The following TMC8 variants were observed in gnomAD, a reference collection of about 807,000 sequenced individuals.
TMC8 encodes the protein transmembrane channel like 8.
In TMC8, 71 loss-of-function variants were observed where a neutral mutation model predicts 76.0. That is an observed-to-expected ratio of 0.93 (90% CI 0.77 to 1.14). The LOEUF (loss-of-function observed/expected upper bound fraction) is 1.14. Among genes scored for constraint, TMC8 ranks in the 50% most tolerant of loss-of-function variants. TMC8 has a pLI of 0.00. For synonymous variants in TMC8, 433 were observed against 433.8 expected (o/e 1.00, Z 0.02); for missense variants, 924 against 947.9 (o/e 0.97, Z 0.33).
chr17:78,132,671 C>A, intron 4 of TMC8, 117 bp from the exon 5 acceptor site: 1 of 1,497,612 alleles, frequency 6.7e-7, no homozygotes, highest in Non-Finnish European at 9.3e-7. Flanking sequence ...ACGCCTTTGG[C>A]ACATCCTCAG....
At position 78,137,295 on chromosome 17, in the gene TMC8, A is replaced by C; in HGVS notation, c.1188A>C (p.Ile396=). ...TCTCCGTCTCCCTGGGTCAGACCAT[A>C]CTGTGCATTGGCAGAGACAAGAGCA... The part of the protein sequence containing the change: ...GMFSVSLGQT[I]LCIGRDKSSC... The change falls in exon 10 of 16, where the codon ATA becomes ATC. Residue 396 remains isoleucine (I), a synonymous_variant. Coordinates refer to ENST00000318430, the MANE Select transcript of TMC8 (RefSeq NM_152468.5). 2 of 1,613,976 alleles carry C rather than the reference A, an allele frequency of 1.2e-6. No individual in the cohort carries two copies. Among genetic ancestry groups the C allele is most frequent in the Non-Finnish European group, 1.7e-6 (2 of 1,179,998 alleles).
In TMC8 at chr17:78,139,180, C is replaced by T. The variant is rs1473971152; in HGVS notation, c.1842C>T (p.Cys614=). ...ACCCAAGCCTTGTCCTGACGGTGTG[C>T]GTCTCCCAGACCCAGGCCAATGCCA... The part of the protein sequence containing the change: ...LIMLSLVLTV[C]VSQTQANARA... The change falls in exon 15 of 16, where the codon TGC becomes TGT. Residue 614 remains cysteine (C), a synonymous_variant. Coordinates refer to ENST00000318430, the MANE Select transcript of TMC8 (RefSeq NM_152468.5). 7 of 1,613,656 alleles carry T rather than the reference C, an allele frequency of 4.3e-6. No individual in the cohort carries two copies. The highest frequency in any genetic ancestry group is 3.3e-5 in the Admixed American group (2 of 60,030).
intron 10 of TMC8, 103 bp from the exon 11 acceptor site, chr17:78,137,614 C>A: frequency 1.7e-6 from 2 of 1,198,788 alleles, no homozygotes; most frequent in Non-Finnish European, 2.5e-6. Context: ...CTATCAGACA[C>A]CAGGCAAGGC....
chr17:78,138,444 T>C lies in TMC8; in HGVS notation c.1629T>C (p.Leu543=), dbSNP rs145995933. Residue 543 remains leucine (L), a synonymous_variant, in exon 13 of 16, where the codon CTT becomes CTC. Transcript: ENST00000318430. ...AGCTAGTGCTCCTCCTGGGCCTGCT[T>C]CTGGCTGCAGTGCCCCTGGGCTATG... ...FFQLVLLLGL[L]LAAVPLGYVV... is the part of the protein sequence containing the mutation. The C allele has an allele frequency of 1.1e-3, 1,745 of 1,613,046 alleles. 16 individuals carry two copies. The African/African-American group carries it at 0.02, about 18-fold the overall frequency.
rs995531927 is a variant in TMC8, at chr17:78,131,871, C to A, written c.150-11C>A. On this transcript the variant is annotated splice_polypyrimidine_tract_variant and intron_variant, in intron 2 of 15. Coordinates refer to ENST00000318430, the MANE Select transcript of TMC8 (RefSeq NM_152468.5). ...TGACTCAGGGGCGCCCCTGTCACCA[C>A]CCCCGTCCAGGCAGCTGCGGGAGCC... 45 of 1,458,828 alleles carry A rather than the reference C, an allele frequency of 3.1e-5. No homozygotes were observed. Among genetic ancestry groups the A allele is most frequent in the South Asian group, 1.4e-5 (1 of 71,584 alleles). 90.4% of individuals were successfully genotyped at this position (1,458,828 alleles called of 1,614,324 possible). A position where few individuals can be genotyped will look rare whatever the true frequency, so the allele number is the denominator to read the frequency against.
chr17:78,137,241 G>A lies in TMC8; in HGVS notation c.1134G>A (p.Val378=). The A allele has an allele frequency of 6.2e-7, 1 of 1,613,782 alleles. No individual in the cohort carries two copies. The change falls in exon 10 of 16, where the codon GTG becomes GTA. Residue 378 remains valine (V), a synonymous_variant. Transcript: ENST00000318430. ...ACAAGGTCCCTGCCCCCAGGTGCGTGGTGCTGAAGCTGGCCAGCTTGGGGA... is the reference window on the plus strand; with the variant it reads ...ACAAGGTCCCTGCCCCCAGGTGCGTAGTGCTGAAGCTGGCCAGCTTGGGGA... ...TEVNLTLIWC[V]VLKLASLGMF... is the part of the protein sequence containing the mutation.
chr17:78,141,129 C>A lies in TMC8; in HGVS notation c.*17C>A. On this transcript the variant is annotated 3_prime_UTR_variant, in exon 16 of 16. Coordinates refer to ENST00000318430, the MANE Select transcript of TMC8 (RefSeq NM_152468.5). Reference sequence around the variant, plus strand: ...GAGCTGTAACCCCTACCCCTGCCTCCCCGAAGCCTCCCTGGGGCCCCTTCA... The same window carrying A: ...GAGCTGTAACCCCTACCCCTGCCTCACCGAAGCCTCCCTGGGGCCCCTTCA... 1 of 1,533,496 alleles carries A rather than the reference C, an allele frequency of 6.5e-7. No individual in the cohort carries two copies. Among genetic ancestry groups the A allele is most frequent in the South Asian group, 1.2e-5 (1 of 80,370 alleles). 95.0% of individuals were successfully genotyped at this position (1,533,496 alleles called of 1,614,324 possible).
chr17:78,139,249 C>G lies in TMC8; in HGVS notation c.1902+9C>G, dbSNP rs1024700988. On this transcript the variant is annotated intron_variant, in intron 15 of 15. Coordinates refer to ENST00000318430, the MANE Select transcript of TMC8 (RefSeq NM_152468.5). ...GGAAGCAGCTGGTGTGGGTGAGTGT[C>G]CTCGGGGCTGGTGAGGGGACAGCAG... 2.5e-6 allele frequency: 4 copies of G among 1,613,270 alleles called. No individual in the cohort carries two copies. The highest frequency in any genetic ancestry group is 1.7e-6 in the Non-Finnish European group (2 of 1,180,006).
Position 78,135,013 on chromosome 17 carries a change from A to T in TMC8, c.1127+4A>T. On this transcript the variant is annotated splice_donor_region_variant and intron_variant, in intron 9 of 15. Transcript: ENST00000318430. ...AGGTCAACCTCACTCTGATCTGGTG[A>T]GTGCCACCCTTGGTGGGGACAAGTG... 6.2e-7 allele frequency: 1 copy of T among 1,613,908 alleles called. No individual in the cohort carries two copies. The highest frequency in any genetic ancestry group is 8.5e-7 in the Non-Finnish European group (1 of 1,179,930).
chr17:78,141,738 A>T lies in TMC8; in HGVS notation c.*626A>T, dbSNP rs1403553567. 3 of 152,260 alleles carry T rather than the reference A, an allele frequency of 2.0e-5. No individual in the cohort carries two copies. The highest frequency in any genetic ancestry group is 7.2e-5 in the African/African-American group (3 of 41,470). 9.4% of individuals were successfully genotyped at this position (152,260 alleles called of 1,614,324 possible). On this transcript the variant is annotated 3_prime_UTR_variant, in exon 16 of 16. Coordinates refer to ENST00000318430, the MANE Select transcript of TMC8 (RefSeq NM_152468.5). ...GGCTTAGTGGCGGCTCCTGGCCCTG[A>T]CTGAGGGGCTGACTGAAGCCTGGTG... is the stretch of plus-strand genomic sequence containing the variant.
intron 2 of TMC8, 45 bp from the exon 3 acceptor site, chr17:78,131,837 C>G (rs2145572519): frequency 6.7e-7 from 1 of 1,483,498 alleles, no homozygotes; most frequent in South Asian, 1.3e-5. Flanking sequence ...CCCGGGTGGG[C>G]AGGGCGGGTG....
chr17:78,140,929 C>G lies in TMC8; in HGVS notation c.1998C>G (p.Ser666=), dbSNP rs1461478732. The G allele has an allele frequency of 6.3e-7, 1 of 1,599,086 alleles. No individual in the cohort carries two copies. The highest frequency in any genetic ancestry group is 8.5e-7 in the Non-Finnish European group (1 of 1,173,780). Residue 666 remains serine, a synonymous_variant, in exon 16 of 16, where the codon TCC becomes TCG. Coordinates refer to ENST00000318430, the MANE Select transcript of TMC8 (RefSeq NM_152468.5). ...CTCCGGGCCCCAAGTACCCTGCCTC[C>G]CAAGCTTCGCGCCCGCAGTCCTTCT... ...SDSPGPKYPA[S]QASRPQSFCP...
At position 78,134,999 on chromosome 17, in the gene TMC8, A is replaced by G. The variant is rs1444068598; in HGVS notation, c.1117A>G (p.Thr373Ala). The part of the protein sequence containing the change: ...NYPPNTEVNL[T>A]LIWCVVLKLA... Reference sequence around the variant, plus strand: ...CCCTCCCAACACGGAGGTCAACCTCACTCTGATCTGGTGAGTGCCACCCTT... The same window carrying G: ...CCCTCCCAACACGGAGGTCAACCTCGCTCTGATCTGGTGAGTGCCACCCTT... The change falls in exon 9 of 16, where the codon ACT becomes GCT. Residue 373 changes from threonine to alanine, a missense_variant. Physicochemically the swap from Thr to Ala is moderately conservative, Grantham distance 58. Coordinates refer to ENST00000318430, the MANE Select transcript of TMC8 (RefSeq NM_152468.5). 6.2e-7 allele frequency: 1 copy of G among 1,613,796 alleles called. No homozygotes were observed. The highest frequency in any genetic ancestry group is 8.5e-7 in the Non-Finnish European group (1 of 1,179,934).
rs2075382696 is a variant in TMC8 at position 78,142,113 on chromosome 17, C to G, written c.*1001C>G. ...GCCTGTTCGAGTTTCCTTTTCCAAGCCTCCTGTTCTCCCACCCCCACCCCT... is the reference window on the plus strand; with the variant it reads ...GCCTGTTCGAGTTTCCTTTTCCAAGGCTCCTGTTCTCCCACCCCCACCCCT... On this transcript the variant is annotated 3_prime_UTR_variant, in exon 16 of 16. Transcript: ENST00000318430. The G allele has an allele frequency of 6.6e-6, 1 of 152,510 alleles. No individual in the cohort carries two copies. The highest frequency in any genetic ancestry group is 6.5e-5 in the Admixed American group (1 of 15,284). 9.4% of individuals were successfully genotyped at this position (152,510 alleles called of 1,614,324 possible). A position where few individuals can be genotyped will look rare whatever the true frequency, so the allele number is the denominator to read the frequency against.
Position 78,133,840 on chromosome 17 carries a change from T to G in TMC8, c.669-13T>G. On this transcript the variant is annotated splice_polypyrimidine_tract_variant and intron_variant, in intron 6 of 15. Transcript: ENST00000318430. The stretch of plus-strand genomic sequence containing the variant: ...GCCCCTCCTCCAGCAGCCCCTGGTC[T>G]CCTGCCCCGCAGGATGGTGAAGGGG... 4 of 1,612,970 alleles carry G rather than the reference T, an allele frequency of 2.5e-6. No homozygotes were observed. The highest frequency in any genetic ancestry group is 3.4e-6 in the Non-Finnish European group (4 of 1,179,976).
rs964059732 is a variant in TMC8 at position 78,140,741 on chromosome 17, G to A, written c.1903-93G>A. 4.6e-6 allele frequency: 7 copies of A among 1,514,056 alleles called. No individual in the cohort carries two copies. The African/African-American group carries it at 9.7e-5, about 21-fold the overall frequency. 93.8% of individuals were successfully genotyped at this position (1,514,056 alleles called of 1,614,324 possible). A position where few individuals can be genotyped will look rare whatever the true frequency, so the allele number is the denominator to read the frequency against. On this transcript the variant is annotated intron_variant, in intron 15 of 15. Coordinates refer to ENST00000318430, the MANE Select transcript of TMC8 (RefSeq NM_152468.5). ...CTCTGGCTACTTTGGGTGCGGGCTG[G>A]CCCATGGGCCGCAGAGTTGCTGCCG...
At position 78,131,622 on chromosome 17, in the gene TMC8, GC is replaced by G. The variant is rs760600450; in HGVS notation, c.38del (p.Pro13LeufsTer31). On this transcript the variant is annotated frameshift_variant, in exon 2 of 16. Coordinates refer to ENST00000318430, the MANE Select transcript of TMC8 (RefSeq NM_152468.5). LOFTEE classifies it high-confidence loss of function. Reference sequence around the variant, plus strand: ...GCCGCGGTCGGTGTCATCGGAGCGGGCCCCTGGGGTGCCGGAGCCGGAGGAG... The same window carrying G: ...GCCGCGGTCGGTGTCATCGGAGCGGGCCCTGGGGTGCCGGAGCCGGAGGAG... ...LLPRSVSSER[A>X]PGVPEPEELW... 1 of 1,551,326 alleles carries G rather than the reference GC, an allele frequency of 6.4e-7. No homozygotes were observed. The highest frequency in any genetic ancestry group is 2.4e-5 in the East Asian group (1 of 41,310).
chr17:78,133,694 C>T, intron 6 of TMC8, 152 bp downstream of exon 6: 1 of 1,536,888 alleles, frequency 6.5e-7, no homozygotes, highest in Admixed American at 1.8e-5. Context: ...TGGCCGCAAA[C>T]CTTAGGAACA....
rs1288376053 is a variant in TMC8, at chr17:78,138,064, T to G, written c.1409T>G (p.Leu470Arg). 1.2e-5 allele frequency: 19 copies of G among 1,613,932 alleles called. No homozygotes were observed. The highest frequency in any genetic ancestry group is 1.6e-5 in the Non-Finnish European group (19 of 1,180,022). ...GCCTGGCTGGAACGGGAGGAGTTCC[T>G]GGTCCCCAAGAATGTGCTGGACATC... is the stretch of plus-strand genomic sequence containing the variant. ...FWAWLEREEF[L>R]VPKNVLDIVA... is the part of the protein sequence containing the mutation. Residue 470 changes from leucine (L) to arginine (R), a missense_variant, in exon 12 of 16, where the codon CTG becomes CGG. Coordinates refer to ENST00000318430, the MANE Select transcript of TMC8 (RefSeq NM_152468.5).
Sources: gnomAD v4.1 joint callset for allele counts on GRCh38, gnomAD v4.1.1 for gene constraint, MANE v1.5 for transcripts, NCBI Gene and HGNC (gene_info 2026-07-23, HGNC 2026-07-21) for gene names.